NPNT: variants seen among roughly 807,000 people sequenced by gnomAD.
NPNT encodes nephronectin.
Under a neutral mutation model 68.6 loss-of-function variants are expected in NPNT, and 45 were observed. The ratio of observed to expected loss-of-function variants is 0.66; its 90% CI spans 0.52 to 0.84. The LOEUF is 0.84. Among genes scored for constraint, NPNT ranks in the 40% least tolerant of loss-of-function variants. NPNT has a pLI of 0.00. For missense variants in NPNT, 672 were observed against 714.8 expected, an observed-to-expected ratio of 0.94 and a Z score of 0.68; for synonymous variants, 233 against 253.3, an observed-to-expected ratio of 0.92 and a Z score of 0.76.
At chr4:105,922,997 A>G (rs1339520210) in intron 2 of NPNT, among the ~76,000 whole-genome samples, 5 of 152,328 alleles carry the variant, frequency 3.3e-5, no homozygotes, top group African/African-American at 1.2e-4. Flanking sequence ...CAGAGAAGCA[A>G]TGCTGCCTTT....
chr4:105,899,691 G>A (rs1726238650), intron 2 of NPNT, among the ~76,000 whole-genome samples: 1 of 152,192 alleles, frequency 6.6e-6, no homozygotes, highest in Non-Finnish European at 1.5e-5. Flanking sequence ...CTATGTTACA[G>A]TGAAATAAAA....
intron 8 of NPNT, among the ~76,000 whole-genome samples, chr4:105,955,643 C>T (rs533771203): frequency 6.6e-6 from 1 of 151,894 alleles, no homozygotes; most frequent in South Asian, 2.1e-4. Context: ...ACTTAGATTA[C>T]CAGTATTAGC....
intron 6 of NPNT, 58 bp from the exon 7 acceptor site, chr4:105,940,456 T>G: frequency 6.6e-7 from 1 of 1,522,564 alleles, no homozygotes; most frequent in Non-Finnish European, 9.0e-7. Context: ...TATATATTTT[T>G]TATGTCATCA....
chr4:105,959,441 C>T (rs1731504051), intron 10 of NPNT, among the ~76,000 whole-genome samples: 1 of 151,804 alleles, frequency 6.6e-6, no homozygotes, highest in African/African-American at 2.4e-5. Context: ...GCACCCATTC[C>T]CAGGAATAAA....
intron 8 of NPNT, among the ~76,000 whole-genome samples, chr4:105,953,740 G>C (rs187539688): frequency 1.1e-3 from 161 of 152,290 alleles, no homozygotes; most frequent in Non-Finnish European, 1.8e-3. Context: ...AATTACATAT[G>C]TACCATTCTC....
intron 3 of NPNT, among the ~76,000 whole-genome samples, 189 bp from the exon 4 acceptor site, chr4:105,936,820 G>A (rs558488187): frequency 6.6e-6 from 1 of 152,244 alleles, no homozygotes; most frequent in South Asian, 2.1e-4. Flanking sequence ...GGCGACTCCT[G>A]GTTGCCCCTA....
intron 4 of NPNT, 100 bp from the exon 5 acceptor site, chr4:105,938,201 T>C (rs967632217): frequency 8.7e-7 from 1 of 1,146,484 alleles, no homozygotes; most frequent in Non-Finnish European, 1.3e-6. Flanking sequence ...TTCATTGTTG[T>C]TCAGTGTCAC....
At chr4:105,920,107 C>A (rs1008951859) in intron 2 of NPNT, among the ~76,000 whole-genome samples, 8 of 151,874 alleles carry the variant, frequency 5.3e-5, no homozygotes, top group Admixed American at 3.3e-4. Context: ...ACCATAGATT[C>A]TTTTTTTATT....
intron 1 of NPNT, 45 bp from the exon 2 acceptor site, chr4:105,897,856 T>G: frequency 6.9e-7 from 1 of 1,457,350 alleles, no homozygotes; most frequent in Non-Finnish European, 9.6e-7. Context: ...ATTACCTTTC[T>G]TCTCAAAAGT....
intron 3 of NPNT, among the ~76,000 whole-genome samples, chr4:105,936,545 T>C (rs1729509681): frequency 6.6e-6 from 1 of 152,236 alleles, no homozygotes; most frequent in Non-Finnish European, 1.5e-5. Context: ...CAATGCCTTA[T>C]CCATTTAAAG....
intron 3 of NPNT, among the ~76,000 whole-genome samples, chr4:105,928,689 A>C (rs1241500591): frequency 1.3e-5 from 2 of 152,022 alleles, no homozygotes; most frequent in Non-Finnish European, 2.9e-5. Flanking sequence ...GATTTCACTA[A>C]ATAGATAAGT....
chr4:105,942,838 A>C (rs1055295251), intron 8 of NPNT, 136 bp downstream of exon 8: 4 of 785,506 alleles, frequency 5.1e-6, no homozygotes, highest in African/African-American at 3.5e-5. Context: ...ATTGACAAAT[A>C]TTATAAAGAG....
chr4:105,932,521 T>C (rs1360057082), intron 3 of NPNT: 7 of 723,436 alleles, frequency 9.7e-6, no homozygotes, highest in Non-Finnish European at 1.6e-5. Context: ...ACCAACTGTA[T>C]GTAATTGTTT....
At chr4:105,929,661 G>A (rs929994286) in intron 3 of NPNT, 9 of 151,738 alleles carry the variant, frequency 5.9e-5, no homozygotes, top group Non-Finnish European at 8.8e-5. Flanking sequence ...AGCCCTCAGA[G>A]GTTTCATTAA....
At position 105,942,609 on chromosome 4, in the gene NPNT, A is replaced by G. The variant is rs1459795164; in HGVS notation, c.1066A>G (p.Thr356Ala). ...TPERPTTGLT[T>A]IAPAASTPPG... ...AGAAAGGCCAACCACCGGACTGACAACTATAGCACCAGCTGCCAGTACACC... is the reference window on the plus strand; with the variant it reads ...AGAAAGGCCAACCACCGGACTGACAGCTATAGCACCAGCTGCCAGTACACC... The change falls in exon 8 of 12, where the codon ACT becomes GCT. Residue 356 changes from threonine (T) to alanine (A), a missense_variant. By Grantham distance (58) the Thr-to-Ala change is moderately conservative. Coordinates refer to ENST00000379987, the MANE Select transcript of NPNT (RefSeq NM_001033047.3). 2.5e-6 allele frequency: 4 copies of G among 1,613,946 alleles called. No homozygotes were observed. The highest frequency in any genetic ancestry group is 1.1e-5 in the South Asian group (1 of 91,076).
At chr4:105,965,308 G>A (rs189415209) in intron 10 of NPNT, among the ~76,000 whole-genome samples, 1 of 139,830 alleles carries the variant, frequency 7.2e-6, no homozygotes, top group East Asian at 2.2e-4. Flanking sequence ...CTTAGTTAAT[G>A]TTCCAACTTG....
chr4:105,904,658 C>A (rs1726730032), intron 2 of NPNT, among the ~76,000 whole-genome samples: 1 of 151,924 alleles, frequency 6.6e-6, no homozygotes. Context: ...ATTCATTGAT[C>A]TTTTATTATC....
rs1285703777 is a variant in NPNT at position 105,898,830 on chromosome 4, C to CA, written c.172+836dup. ...TTAAAATTGTATCTCACTCCTACTG[C>CA]AAAAAAATAGTCTTCAAATGATCAA... On this transcript the variant is annotated intron_variant, in intron 2 of 11. Transcript: ENST00000379987. Among the ~76,000 whole-genome samples the CA allele has an allele frequency of 1.2e-4, 18 of 152,158 alleles. 2 individuals are homozygous for CA. The South Asian group carries it at 2.1e-3, about 18-fold the overall frequency.
chr4:105,927,939 A>T (rs1420061946), intron 3 of NPNT, among the ~76,000 whole-genome samples: 4 of 152,196 alleles, frequency 2.6e-5, no homozygotes, highest in Non-Finnish European at 4.4e-5. Flanking sequence ...AGCACTTTTT[A>T]AAAAAATCAG....
Sources: allele counts gnomAD v4.1 joint callset (sites outside exome capture counted in the v4.1 genomes callset), GRCh38; gene constraint gnomAD v4.1.1; transcripts MANE v1.5; gene names NCBI Gene and HGNC (gene_info 2026-07-23, HGNC 2026-07-21).